NEO1: variants seen among roughly 807,000 people sequenced by gnomAD.
NEO1 encodes neogenin 1, also known as neogenin.
A neutral mutation model predicts 159.7 loss-of-function variants in NEO1; 63 were observed. The observed-to-expected ratio is 0.39, with a 90% CI of 0.32 to 0.49. The LOEUF is 0.49. Ranked by LOEUF, NEO1 falls within the 20% of genes least tolerant of loss-of-function variation. NEO1 has a pLI of 0.85. For synonymous variants in NEO1, 633 were observed against 662.0 expected, an observed-to-expected ratio of 0.96 and a Z score of 0.67; for missense variants, 1,615 against 1,831.0, an observed-to-expected ratio of 0.88 and a Z score of 2.15.
intron 1 of NEO1, among the ~76,000 whole-genome samples, chr15:73,054,106 G>A (rs1407338200): frequency 2.0e-5 from 3 of 152,152 alleles, no homozygotes; most frequent in Admixed American, 6.5e-5. Flanking sequence ...CATTCAGTCC[G>A]TATATGGTTT....
intron 26 of NEO1, among the ~76,000 whole-genome samples, chr15:73,294,603 G>A (rs1252548165): frequency 2.0e-5 from 3 of 151,936 alleles, no homozygotes; most frequent in Non-Finnish European, 4.4e-5. Context: ...GCAGTGGTGC[G>A]ATCTCGGCTC....
In NEO1 at chr15:73,288,470, A is replaced by T; in HGVS notation, c.3568A>T (p.Ile1190Phe). Residue 1190 changes from isoleucine (I) to phenylalanine (F), a missense_variant, in exon 24 of 29, where the codon ATT becomes TTT. This residue lies in a region of NEO1 where 471 missense variants were observed against 498.9 expected (regional missense o/e 0.94). Coordinates refer to ENST00000261908, the MANE Select transcript of NEO1 (RefSeq NM_002499.4). The part of the protein sequence containing the change: ...DPNPIMTDTP[I>F]PRNSQDITPV... Reference sequence around the variant, plus strand: ...AAACCCCATCATGACTGATACTCCAATTCCTCGCAACTCTCAAGATATCAC... The same window carrying T: ...AAACCCCATCATGACTGATACTCCATTTCCTCGCAACTCTCAAGATATCAC... 6.2e-7 allele frequency: 1 copy of T among 1,614,172 alleles called. No homozygotes were observed. Among genetic ancestry groups the T allele is most frequent in the Non-Finnish European group, 8.5e-7 (1 of 1,180,024 alleles).
intron 13 of NEO1, among the ~76,000 whole-genome samples, chr15:73,258,374 A>G (rs1232285758): frequency 6.6e-6 from 1 of 152,194 alleles, no homozygotes; most frequent in African/African-American, 2.4e-5. Flanking sequence ...AGTGCCTTCT[A>G]AGACCAGATA....
At chr15:73,280,879 G>C (rs1411415800) in intron 22 of NEO1, among the ~76,000 whole-genome samples, 1 of 152,028 alleles carries the variant, frequency 6.6e-6, no homozygotes, top group Non-Finnish European at 1.5e-5. Flanking sequence ...CGTTGTGGAA[G>C]GGATTCCCAC....
intron 5 of NEO1, among the ~76,000 whole-genome samples, chr15:73,148,778 A>G (rs1454710062): frequency 6.6e-6 from 1 of 152,138 alleles, no homozygotes; most frequent in Admixed American, 6.5e-5. Context: ...TATTGTAATG[A>G]TAACCAAGAT....
At chr15:73,203,965 A>T (rs1387559436) in intron 7 of NEO1, among the ~76,000 whole-genome samples, 1 of 151,804 alleles carries the variant, frequency 6.6e-6, no homozygotes, top group East Asian at 1.9e-4. Flanking sequence ...GACCTATATC[A>T]TTTTCCTTCT....
At chr15:73,161,780 G>A (rs993413511) in intron 5 of NEO1, 1 of 290,190 alleles carries the variant, frequency 3.4e-6, no homozygotes, top group South Asian at 4.3e-5. Flanking sequence ...TTCTTAAAGA[G>A]ACTTTCTCCA....
chr15:73,155,621 T>C, intron 5 of NEO1, among the ~76,000 whole-genome samples: 1 of 152,224 alleles, frequency 6.6e-6, no homozygotes, highest in Non-Finnish European at 1.5e-5. Flanking sequence ...AGTCACTTTA[T>C]GTAGTCACAA....
In NEO1 at chr15:73,266,309, T is replaced by C; in HGVS notation, c.2399-7T>C. The C allele has an allele frequency of 6.3e-7, 1 of 1,599,496 alleles. No individual in the cohort carries two copies. Among genetic ancestry groups the C allele is most frequent in the Non-Finnish European group, 8.5e-7 (1 of 1,173,776 alleles). On this transcript the variant is annotated splice_region_variant and splice_polypyrimidine_tract_variant and intron_variant, in intron 15 of 28. Transcript: ENST00000261908. ...CATTTTTTTAATGTGTGTTTCTTTT[T>C]TTTCAGATCCCAGCTCTCACTATGT...
chr15:73,224,148 AG>A (rs2038445076), intron 7 of NEO1, among the ~76,000 whole-genome samples: 1 of 152,188 alleles, frequency 6.6e-6, no homozygotes, highest in Non-Finnish European at 1.5e-5. Context: ...TCTAGCTTCT[AG>A]GGTTTCTGCT....
At chr15:73,178,102 A>G (rs1333840385) in intron 6 of NEO1, among the ~76,000 whole-genome samples, 3 of 152,200 alleles carry the variant, frequency 2.0e-5, no homozygotes, top group South Asian at 2.1e-4. Context: ...CGTGAATGAC[A>G]GTATGTACTC....
intron 1 of NEO1, among the ~76,000 whole-genome samples, chr15:73,087,616 A>T (rs1194981222): frequency 6.6e-6 from 1 of 152,190 alleles, no homozygotes; most frequent in East Asian, 1.9e-4. Flanking sequence ...TACTGAGATG[A>T]AATGGGTCTT....
chr15:73,288,348 A>T lies in NEO1; in HGVS notation c.3446A>T (p.His1149Leu). 1 of 1,614,190 alleles carries T rather than the reference A, an allele frequency of 6.2e-7. No homozygotes were observed. Among genetic ancestry groups the T allele is most frequent in the Non-Finnish European group, 8.5e-7 (1 of 1,180,018 alleles). ...GCCTGCAAATCAGTGAATGGCTCTC[A>T]TAAGTACAAAGGGAATTCCAAAGAT... ...RAACKSVNGSHKYKGNSKDVK... is the reference protein window; with the variant it reads ...RAACKSVNGSLKYKGNSKDVK... Residue 1149 changes from histidine to leucine, a missense_variant, in exon 24 of 29, where the codon CAT (histidine) becomes CTT (leucine). His to Leu is a moderately conservative substitution (Grantham distance 99). Coordinates refer to ENST00000261908, the MANE Select transcript of NEO1 (RefSeq NM_002499.4).
chr15:73,218,441 A>G (rs1448587575), intron 7 of NEO1, among the ~76,000 whole-genome samples: 1 of 152,002 alleles, frequency 6.6e-6, no homozygotes, highest in Non-Finnish European at 1.5e-5. Context: ...CTGGCCTCAT[A>G]AAATGAGTTA....
intron 9 of NEO1, among the ~76,000 whole-genome samples, chr15:73,245,345 T>A (rs993198907): frequency 1.3e-5 from 2 of 152,184 alleles, no homozygotes; most frequent in Non-Finnish European, 2.9e-5. Flanking sequence ...CTGTGGTCTT[T>A]CGTGCTAAAT....
At chr15:73,169,641 T>TC (rs1227461083) in intron 5 of NEO1, among the ~76,000 whole-genome samples, 1 of 125,402 alleles carries the variant, frequency 8.0e-6, no homozygotes, top group Admixed American at 8.4e-5. Context: ...TGCTCCCCCC[T>TC]CCTTTTTTTT....
At chr15:73,265,672 TTTG>T (rs1472221428) in intron 15 of NEO1, among the ~76,000 whole-genome samples, 2 of 152,154 alleles carry the variant, frequency 1.3e-5, no homozygotes, top group Non-Finnish European at 2.9e-5. Flanking sequence ...ACTGATTCCA[TTTG>T]TTGTTAGTTC....
Position 73,135,945 on chromosome 15 carries a change from T to C in NEO1, c.933T>C (p.Thr311=). Residue 311 remains threonine, a synonymous_variant, in exon 5 of 29, where the codon ACT becomes ACC. Coordinates refer to ENST00000261908, the MANE Select transcript of NEO1 (RefSeq NM_002499.4). ...GTAGCCTGGAGATCAGTGATGTTAC[T>C]GAGGATGATGCTGGGACTTATTTTT... is the stretch of plus-strand genomic sequence containing the variant. The part of the protein sequence containing the change: ...AGGSLEISDV[T]EDDAGTYFCI... The C allele has an allele frequency of 1.9e-6, 3 of 1,610,278 alleles. No homozygotes were observed. Among genetic ancestry groups the C allele is most frequent in the African/African-American group, 2.7e-5 (2 of 74,638 alleles).
At chr15:73,144,589 G>A (rs913801151) in intron 5 of NEO1, among the ~76,000 whole-genome samples, 15 of 151,930 alleles carry the variant, frequency 9.9e-5, no homozygotes, top group African/African-American at 3.6e-4. Flanking sequence ...GTGTTCCACC[G>A]AGTTCTGTTG....
Sources: gnomAD v4.1 joint callset for allele counts (sites outside exome capture counted in the v4.1 genomes callset) on GRCh38, gnomAD v4.1.1 for gene constraint, gnomAD v4.1.1 regional missense constraint, MANE v1.5 for transcripts, NCBI Gene and HGNC (gene_info 2026-07-23, HGNC 2026-07-21) for gene names.